The following CASP10 variants were observed in gnomAD, a reference collection of about 807,000 sequenced individuals.
CASP10 encodes the protein caspase-10.
CASP10 carries 41 observed loss-of-function variants against 48.5 expected under a neutral mutation model. The observed-to-expected ratio is 0.85, with a 90% CI of 0.66 to 1.10. CASP10 has a LOEUF of 1.10. CASP10 is among the 50% of genes least tolerant of loss of function. The probability of loss-of-function intolerance (pLI) is 0.00; values close to 1 mark genes in which losing one functional copy is unlikely to be tolerated. For synonymous variants in CASP10, 232 were observed against 238.4 expected (o/e 0.97, Z 0.25); for missense variants, 614 against 614.5 (o/e 1.00, Z 0.01).
At chr2:201,206,100 C>A in intron 7 of CASP10, 127 bp downstream of exon 7, 2 of 625,430 alleles carry the variant, frequency 3.2e-6, no homozygotes, top group Non-Finnish European at 2.8e-6. Context: ...GGGCTCCGAG[C>A]TGTTTGTTTC....
intron 5 of CASP10, among the ~76,000 whole-genome samples, chr2:201,197,895 A>G (rs1376308854): frequency 6.6e-6 from 1 of 152,228 alleles, no homozygotes; most frequent in Non-Finnish European, 1.5e-5. Flanking sequence ...GGTGGATTAT[A>G]TAGTCATTCT....
At chr2:201,185,138 A>T (rs1466051407) in intron 1 of CASP10, among the ~76,000 whole-genome samples, 2 of 152,114 alleles carry the variant, frequency 1.3e-5, no homozygotes, top group South Asian at 4.1e-4. Context: ...GACCACAGGC[A>T]TGTGCCACCA....
At position 201,218,333 on chromosome 2, in the gene CASP10, C is replaced by T; in HGVS notation, c.*592C>T. ...AGGTACTTTTTCTTTGAGACAGAGT[C>T]ACTCCGTCACCTGGGCTGGAGTGCA... On this transcript the variant is annotated 3_prime_UTR_variant, in exon 10 of 10. Transcript: ENST00000286186. 1 of 992,376 alleles carries T rather than the reference C, an allele frequency of 1.0e-6. No homozygotes were observed. Among genetic ancestry groups the T allele is most frequent in the Middle Eastern group, 5.2e-4 (1 of 1,924 alleles). 61.5% of individuals were successfully genotyped at this position (992,376 alleles called of 1,614,324 possible).
intron 9 of CASP10, among the ~76,000 whole-genome samples, chr2:201,216,189 T>A (rs907780739): frequency 2.0e-5 from 3 of 150,114 alleles, no homozygotes; most frequent in Admixed American, 6.6e-5. Flanking sequence ...TTAATATTAA[T>A]TTAAATAATA....
At chr2:201,225,468 A>G (rs1945775809), downstream of CASP10, among the ~76,000 whole-genome samples, 1 of 152,168 alleles carries the variant, frequency 6.6e-6, no homozygotes, top group African/African-American at 2.4e-5. Context: ...CAATGCTGTG[A>G]CATTTCCCTG....
chr2:201,203,840 G>T, intron 6 of CASP10, 74 bp downstream of exon 6: 1 of 1,148,762 alleles, frequency 8.7e-7, no homozygotes, highest in Non-Finnish European at 1.3e-6. Context: ...ATATACCAAG[G>T]AATTCAAGGT....
At chr2:201,189,361 C>T in intron 3 of CASP10, among the ~76,000 whole-genome samples, 1 of 149,392 alleles carries the variant, frequency 6.7e-6, no homozygotes, top group East Asian at 2.0e-4. Context: ...CTCTGCCTCC[C>T]AGGTTCAGGT....
At position 201,221,254 on chromosome 2, in the gene CASP10, A is replaced by G. The variant is rs6752492; in HGVS notation, c.*3513A>G. 1.6e-3 allele frequency: 1,595 copies of G among 985,650 alleles called. 23 individuals carry two copies. In the African/African-American group the frequency reaches 0.026, roughly 16 times the overall value. 61.1% of individuals were successfully genotyped at this position (985,650 alleles called of 1,614,324 possible). A position where few individuals can be genotyped will look rare whatever the true frequency, so the allele number is the denominator to read the frequency against. ...GTGATGTCTACCGCAGCAGAAGGCC[A>G]GCTCTTGACTCTGAGTTCAGTTGGA... On this transcript the variant is annotated 3_prime_UTR_variant, in exon 10 of 10. Transcript: ENST00000286186.
At position 201,227,722 on chromosome 2, in the gene CASP10, G is replaced by GTTT. The variant is rs367743257; in HGVS notation, c.1416-1203_1416-1201dup. On this transcript the variant is annotated intron_variant, in intron 9 of 9. Coordinates refer to the CASP10 transcript ENST00000272879. ...CAGGTGCCTGCCACCATGCCCGGCT[G>GTTT]TTTTTTTTTTGTATTTTTAGTAGAG... 7.6e-3 allele frequency among the ~76,000 whole-genome samples: 1,118 copies of GTTT among 146,544 alleles called. 17 individuals carry two copies. Among genetic ancestry groups the GTTT allele is most frequent in the African/African-American group, 0.026 (1,028 of 40,170 alleles).
chr2:201,217,051 A>G (rs1945592862), intron 9 of CASP10, among the ~76,000 whole-genome samples: 1 of 152,212 alleles, frequency 6.6e-6, no homozygotes, highest in Non-Finnish European at 1.5e-5. Flanking sequence ...AATATTGTGT[A>G]TATGCCATCC....
At chr2:201,205,496 G>T (rs1559306115) in intron 6 of CASP10, among the ~76,000 whole-genome samples, 2 of 151,954 alleles carry the variant, frequency 1.3e-5, no homozygotes, top group Admixed American at 6.6e-5. Flanking sequence ...CTCCCAAAGT[G>T]CTGGGATTAC....
chr2:201,197,311 C>T (rs1944835259), intron 5 of CASP10, among the ~76,000 whole-genome samples: 1 of 152,012 alleles, frequency 6.6e-6, no homozygotes, highest in Admixed American at 6.6e-5. Flanking sequence ...TTACCATAGG[C>T]TCATTGATAT....
intron 4 of CASP10, 83 bp from the exon 5 acceptor site, chr2:201,195,759 C>A (rs1375319215): frequency 1.9e-6 from 2 of 1,062,282 alleles, no homozygotes; most frequent in East Asian, 4.8e-5. Context: ...CTCACTGCAA[C>A]CTCCGCCTCC....
At chr2:201,208,890 C>G (rs1161248859) in intron 8 of CASP10, among the ~76,000 whole-genome samples, 180 bp from the exon 9 acceptor site, 1 of 152,092 alleles carries the variant, frequency 6.6e-6, no homozygotes, top group African/African-American at 2.4e-5. Flanking sequence ...TCTGGCCAGA[C>G]TGTTCTCAAA....
chr2:201,205,808 G>A, intron 6 of CASP10, 74 bp from the exon 7 acceptor site: 1 of 906,144 alleles, frequency 1.1e-6, no homozygotes. Context: ...TCCAGAATTA[G>A]ATGCGAAAAT....
At chr2:201,187,823 TC>T (rs760558776) in intron 3 of CASP10, 24 bp downstream of exon 3, 1 of 1,511,340 alleles carries the variant, frequency 6.6e-7, no homozygotes, top group Non-Finnish European at 9.2e-7. Flanking sequence ...ACAGAATGGG[TC>T]TGTGTGAGCA....
chr2:201,185,681 G>A, intron 1 of CASP10, 90 bp from the exon 2 acceptor site: 1 of 831,814 alleles, frequency 1.2e-6, no homozygotes, highest in Non-Finnish European at 2.1e-6. Context: ...CCAGAACGGA[G>A]AAGGTTGTGG....
At chr2:201,184,858 G>A (rs1944358093) in intron 1 of CASP10, among the ~76,000 whole-genome samples, 1 of 151,916 alleles carries the variant, frequency 6.6e-6, no homozygotes, top group Admixed American at 6.6e-5. Flanking sequence ...AAGTTTATTA[G>A]AGAAGTAAAG....
intron 5 of CASP10, among the ~76,000 whole-genome samples, chr2:201,200,145 AT>A (rs1219737335): frequency 2.6e-5 from 4 of 152,074 alleles, no homozygotes; most frequent in Non-Finnish European, 5.9e-5. Flanking sequence ...GCTAATTTTG[AT>A]TATTTGGTCA....
Sources: allele counts gnomAD v4.1 joint callset (sites outside exome capture counted in the v4.1 genomes callset), GRCh38; gene constraint gnomAD v4.1.1; transcripts MANE v1.5; gene names NCBI Gene and HGNC (gene_info 2026-07-23, HGNC 2026-07-21).